Variants in ERBB4 observed in about 807,000 individuals in gnomAD.
ERBB4 encodes the protein erb-b2 receptor tyrosine kinase 4.
In ERBB4, 42 loss-of-function variants were observed where a neutral mutation model predicts 158.0. The ratio of observed to expected loss-of-function variants is 0.27; its 90% CI spans 0.21 to 0.34. ERBB4 has a LOEUF of 0.34. ERBB4 is among the 10% of genes least tolerant of loss of function. The pLI is 1.00. For missense variants in ERBB4, 1,333 were observed against 1,624.1 expected (o/e 0.82, Z 3.08); for synonymous variants, 583 against 558.7 (o/e 1.04, Z -0.61).
At chr2:211,524,477 G>C (rs12477039) in intron 20 of ERBB4, among the ~76,000 whole-genome samples, 44,852 of 150,602 alleles carry the variant, frequency 0.3, 7,871 homozygotes, top group East Asian at 0.62. Flanking sequence ...CATGGAGTGG[G>C]TGGGAAGGTC....
At chr2:212,337,658 T>C (rs1466967260) in intron 1 of ERBB4, among the ~76,000 whole-genome samples, 3 of 152,100 alleles carry the variant, frequency 2.0e-5, no homozygotes, top group South Asian at 4.1e-4. Flanking sequence ...GGCAAATACC[T>C]CTCGCATATC....
At chr2:211,956,485 T>C (rs1402120574) in intron 2 of ERBB4, among the ~76,000 whole-genome samples, 1 of 152,094 alleles carries the variant, frequency 6.6e-6, no homozygotes, top group Non-Finnish European at 1.5e-5. Context: ...TTGGGTTCTG[T>C]AGTCTCACAA....
chr2:211,455,982 T>C (rs186425716), intron 20 of ERBB4, among the ~76,000 whole-genome samples: 2 of 152,362 alleles, frequency 1.3e-5, no homozygotes, highest in African/African-American at 2.4e-5. Flanking sequence ...GCATTAAGTA[T>C]GTGATAATTT....
intron 20 of ERBB4, among the ~76,000 whole-genome samples, chr2:211,551,889 G>A (rs905453129): frequency 6.6e-6 from 1 of 152,176 alleles, no homozygotes; most frequent in South Asian, 2.1e-4. Context: ...AAATGGAAAA[G>A]AGGAAAGAAG....
chr2:212,027,668 A>C (rs1054354325), intron 2 of ERBB4, among the ~76,000 whole-genome samples: 4 of 152,036 alleles, frequency 2.6e-5, no homozygotes, highest in Non-Finnish European at 4.4e-5. Context: ...TTGGCCTGAA[A>C]ACAGAACCTA....
At chr2:211,441,654 T>C (rs1040982083) in intron 20 of ERBB4, among the ~76,000 whole-genome samples, 1 of 152,160 alleles carries the variant, frequency 6.6e-6, no homozygotes, top group African/African-American at 2.4e-5. Flanking sequence ...GGCTGCTATC[T>C]CTTGATGCTC....
intron 12 of ERBB4, among the ~76,000 whole-genome samples, chr2:211,695,602 GATC>G (rs1215605734): frequency 1.3e-5 from 2 of 152,022 alleles, no homozygotes; most frequent in African/African-American, 4.8e-5. Flanking sequence ...ATGATTTTGA[GATC>G]ATTTCTAAAT....
chr2:212,276,947 C>A (rs772428909), intron 1 of ERBB4, among the ~76,000 whole-genome samples: 5 of 151,802 alleles, frequency 3.3e-5, no homozygotes, highest in South Asian at 2.1e-4. Flanking sequence ...TGAAGAGAAA[C>A]GGTGAACCGG....
At chr2:211,772,834 T>TATAC (rs1219416032) in intron 4 of ERBB4, among the ~76,000 whole-genome samples, 2 of 10,346 alleles carry the variant, frequency 1.9e-4, no homozygotes, top group African/African-American at 7.7e-4. Flanking sequence ...TATATATATA[T>TATAC]ACACATATAT....
intron 1 of ERBB4, among the ~76,000 whole-genome samples, chr2:212,300,471 A>T (rs539449144): frequency 6.6e-6 from 1 of 151,710 alleles, no homozygotes; most frequent in Middle Eastern, 3.4e-3. Flanking sequence ...AATTTTAAGT[A>T]GAGTAGTACG....
intron 3 of ERBB4, among the ~76,000 whole-genome samples, chr2:211,867,679 C>T (rs2078243927): frequency 6.6e-6 from 1 of 152,170 alleles, no homozygotes; most frequent in Non-Finnish European, 1.5e-5. Context: ...CATCCTGCCT[C>T]AACCTCCTGA....
At chr2:211,721,644 T>TATATATATATATATAC (rs1156312544) in intron 7 of ERBB4, among the ~76,000 whole-genome samples, 1 of 144,704 alleles carries the variant, frequency 6.9e-6, no homozygotes, top group African/African-American at 2.6e-5. Context: ...TATATATATA[T>TATATATATATATATAC]ACATGTTTTG....
At chr2:212,515,427 G>T (rs1183306287) in intron 1 of ERBB4, among the ~76,000 whole-genome samples, 1 of 151,804 alleles carries the variant, frequency 6.6e-6, no homozygotes, top group Non-Finnish European at 1.5e-5. Flanking sequence ...ATTTAAAAAA[G>T]ATATAATAAA....
intron 19 of ERBB4, among the ~76,000 whole-genome samples, chr2:211,593,356 G>A (rs1442072054): frequency 6.6e-6 from 1 of 152,174 alleles, no homozygotes; most frequent in Non-Finnish European, 1.5e-5. Flanking sequence ...AACGTTGAGT[G>A]TAACTTCTCA....
chr2:212,127,285 A>T (rs1417111652), intron 1 of ERBB4, among the ~76,000 whole-genome samples: 1 of 152,236 alleles, frequency 6.6e-6, no homozygotes, highest in African/African-American at 2.4e-5. Context: ...ACAAATTCAT[A>T]AACTTTCTTA....
intron 19 of ERBB4, among the ~76,000 whole-genome samples, chr2:211,616,264 A>G (rs940654937): frequency 1.3e-5 from 2 of 152,092 alleles, no homozygotes; most frequent in Non-Finnish European, 2.9e-5. Flanking sequence ...GAGTCTCTCC[A>G]GTGAAAAGAA....
intron 3 of ERBB4, among the ~76,000 whole-genome samples, chr2:211,805,458 G>GAAA (rs2076592857): frequency 6.6e-6 from 1 of 152,148 alleles, no homozygotes; most frequent in Non-Finnish European, 1.5e-5. Context: ...TATGAGCATA[G>GAAA]AAAAATCTAA....
intron 25 of ERBB4, among the ~76,000 whole-genome samples, chr2:211,404,243 T>G (rs2063103382): frequency 6.6e-6 from 1 of 152,182 alleles, no homozygotes; most frequent in South Asian, 2.1e-4. Context: ...TCAGTGCTAC[T>G]GAACAGTCAT....
At chr2:212,026,786 T>G (rs960228179) in intron 2 of ERBB4, among the ~76,000 whole-genome samples, 11 of 151,826 alleles carry the variant, frequency 7.2e-5, no homozygotes, top group Non-Finnish European at 1.3e-4. Context: ...TCTCAGGTAA[T>G]CTCCTGGAGA....
Sources: gnomAD v4.1 joint callset for allele counts (sites outside exome capture counted in the v4.1 genomes callset) on GRCh38, gnomAD v4.1.1 for gene constraint, MANE v1.5 for transcripts, NCBI Gene and HGNC (gene_info 2026-07-23, HGNC 2026-07-21) for gene names.